Variants in AKR1C8 observed in about 807,000 individuals in gnomAD.
The protein encoded by AKR1C8 is aldo-keto reductase family 1 member C-like protein 1.
chr10:5,140,418 C>G, the AKR1C8 span, among the ~76,000 whole-genome samples: 2 of 152,048 alleles, frequency 1.3e-5, no homozygotes, highest in Non-Finnish European at 2.9e-5. Context: ...CAATGATAGA[C>G]TGGATTAAGA....
At chr10:5,126,167 C>T in the AKR1C8 span, among the ~76,000 whole-genome samples, 10 of 152,210 alleles carry the variant, frequency 6.6e-5, no homozygotes, top group East Asian at 1.2e-3. Context: ...GTCTTCTTTC[C>T]CCCCTTGTCC....
the AKR1C8 span, among the ~76,000 whole-genome samples, chr10:5,156,340 G>C: frequency 8.6e-3 from 1,302 of 152,174 alleles, 28 homozygotes; most frequent in African/African-American, 0.03. Flanking sequence ...GAGACACTTA[G>C]ATCTTATGTT....
chr10:5,115,873 TACTC>T, the AKR1C8 span, among the ~76,000 whole-genome samples: 1 of 152,132 alleles, frequency 6.6e-6, no homozygotes, highest in East Asian at 1.9e-4. Context: ...AAGGAGGAAA[TACTC>T]ATGACAATTA....
the AKR1C8 span, among the ~76,000 whole-genome samples, chr10:5,143,595 A>G: frequency 6.6e-6 from 1 of 151,960 alleles, no homozygotes; most frequent in Non-Finnish European, 1.5e-5. Context: ...TTCATACATA[A>G]AATCATAAAA....
At chr10:5,163,169 G>A in the AKR1C8 span, 1 of 342,114 alleles carries the variant, frequency 2.9e-6, no homozygotes, top group Non-Finnish European at 5.9e-6. Context: ...GTACTCTGAG[G>A]ACATTGATTA....
chr10:5,120,066 T>C, the AKR1C8 span, among the ~76,000 whole-genome samples: 3 of 152,168 alleles, frequency 2.0e-5, no homozygotes, highest in African/African-American at 4.8e-5. Context: ...TTTACCGGAA[T>C]GATGGCAAGG....
chr10:5,122,765 T>C, the AKR1C8 span, among the ~76,000 whole-genome samples: 2 of 152,202 alleles, frequency 1.3e-5, no homozygotes, highest in South Asian at 2.1e-4. Context: ...AGTAGAACAG[T>C]TGATCAGGAA....
chr10:5,176,905 A>G, the AKR1C8 span, among the ~76,000 whole-genome samples: 1 of 152,200 alleles, frequency 6.6e-6, no homozygotes, highest in African/African-American at 2.4e-5. Context: ...TTCTAGATAT[A>G]GAATCATGTC....
the AKR1C8 span, among the ~76,000 whole-genome samples, chr10:5,153,281 C>T: frequency 2.6e-5 from 4 of 151,772 alleles, no homozygotes; most frequent in Non-Finnish European, 5.9e-5. Flanking sequence ...ATAAAAATGC[C>T]GAAATGTGGG....
chr10:5,153,253 G>T, the AKR1C8 span, among the ~76,000 whole-genome samples: 5 of 151,902 alleles, frequency 3.3e-5, no homozygotes, highest in South Asian at 1.0e-3. Flanking sequence ...TGAATGAATG[G>T]AACAATATAC....
At chr10:5,118,273 C>A in the AKR1C8 span, among the ~76,000 whole-genome samples, 1 of 152,146 alleles carries the variant, frequency 6.6e-6, no homozygotes, top group Non-Finnish European at 1.5e-5. Context: ...TCATGGAAAT[C>A]AGAATTCCAG....
At chr10:5,116,897 A>G in the AKR1C8 span, among the ~76,000 whole-genome samples, 1 of 152,308 alleles carries the variant, frequency 6.6e-6, no homozygotes, top group Admixed American at 6.5e-5. Flanking sequence ...AAAGCGTAGC[A>G]TTCGTATGTG....
the AKR1C8 span, among the ~76,000 whole-genome samples, chr10:5,136,590 T>C: frequency 6.6e-6 from 1 of 152,188 alleles, no homozygotes; most frequent in Non-Finnish European, 1.5e-5. Context: ...ATTTTAAGAA[T>C]AGTCATTCTC....
At chr10:5,142,223 G>T in the AKR1C8 span, among the ~76,000 whole-genome samples, 1 of 152,126 alleles carries the variant, frequency 6.6e-6, no homozygotes, top group Non-Finnish European at 1.5e-5. Flanking sequence ...CACTTGAAGA[G>T]AGTTAAGGTC....
At chr10:5,182,266 T>A in the AKR1C8 span, among the ~76,000 whole-genome samples, 50 of 152,228 alleles carry the variant, frequency 3.3e-4, no homozygotes, top group Non-Finnish European at 6.3e-4. Context: ...ACACAATTTT[T>A]AAAAATGATT....
At chr10:5,123,886 A>G in the AKR1C8 span, 2 of 1,488,926 alleles carry the variant, frequency 1.3e-6, no homozygotes, top group Non-Finnish European at 1.8e-6. Context: ...TAAAAAGATT[A>G]CAGATTAAAG....
At chr10:5,151,585 C>G in the AKR1C8 span, among the ~76,000 whole-genome samples, 1 of 126,930 alleles carries the variant, frequency 7.9e-6, no homozygotes, top group East Asian at 2.2e-4. Context: ...GAGACACAGT[C>G]TTGTTCTGTC....
chr10:5,183,696 A>T, the AKR1C8 span, among the ~76,000 whole-genome samples: 1 of 152,196 alleles, frequency 6.6e-6, no homozygotes, highest in Non-Finnish European at 1.5e-5. Flanking sequence ...AAAATGAGAG[A>T]AAAAACTTAA....
the AKR1C8 span, among the ~76,000 whole-genome samples, chr10:5,143,924 A>G: frequency 6.6e-6 from 1 of 151,934 alleles, no homozygotes; most frequent in Non-Finnish European, 1.5e-5. Context: ...TCTATTTCCA[A>G]TAATACAGAA....
Sources: allele counts gnomAD v4.1 joint callset (sites outside exome capture counted in the v4.1 genomes callset), GRCh38; gene constraint gnomAD v4.1.1; transcripts MANE v1.5; gene names NCBI Gene and HGNC (gene_info 2026-07-23, HGNC 2026-07-21).